The following FAT3 variants were observed in gnomAD, a reference collection of about 807,000 sequenced individuals.
FAT3 encodes FAT atypical cadherin 3.
A neutral mutation model predicts 310.2 loss-of-function variants in FAT3; 95 were observed. The ratio of observed to expected loss-of-function variants is 0.31; its 90% CI spans 0.26 to 0.36. FAT3 has a LOEUF of 0.36. Among genes scored for constraint, FAT3 ranks in the 10% least tolerant of loss-of-function variants. The probability of loss-of-function intolerance (pLI) is 1.00; values close to 1 mark genes in which losing one functional copy is unlikely to be tolerated. For synonymous variants in FAT3, 2,314 were observed against 2,192.9 expected, an observed-to-expected ratio of 1.06 and a Z score of -1.54; for missense variants, 5,408 against 5,715.6, an observed-to-expected ratio of 0.95 and a Z score of 1.74.
chr11:92,628,596 T>C (rs1419100768), intron 3 of FAT3, among the ~76,000 whole-genome samples: 1 of 152,254 alleles, frequency 6.6e-6, no homozygotes, highest in Non-Finnish European at 1.5e-5. Context: ...CTTAGTGAAA[T>C]GCTATATTTA....
At chr11:92,567,676 CACATAT>C (rs1955511698) in intron 3 of FAT3, among the ~76,000 whole-genome samples, 1 of 151,892 alleles carries the variant, frequency 6.6e-6, no homozygotes, top group South Asian at 2.1e-4. Context: ...GAAAATGTGG[CACATAT>C]ACACCATGGA....
At chr11:92,319,408 A>G (rs1040579775) in intron 1 of FAT3, among the ~76,000 whole-genome samples, 9 of 152,016 alleles carry the variant, frequency 5.9e-5, no homozygotes, top group Non-Finnish European at 1.3e-4. Context: ...AAAGTGGTAG[A>G]ATTCAAACAT....
intron 18 of FAT3, among the ~76,000 whole-genome samples, chr11:92,841,027 G>A (rs1286023488): frequency 2.0e-5 from 3 of 152,170 alleles, no homozygotes; most frequent in Admixed American, 6.5e-5. Context: ...GCTTAAATCT[G>A]CATTCTAAAA....
chr11:92,886,885 T>C lies in FAT3; in HGVS notation c.12938-115T>C, dbSNP rs1949808582. On this transcript the variant is annotated intron_variant, in intron 24 of 27. Transcript: ENST00000525166. Reference sequence around the variant, plus strand: ...TCTACTGTGGAGCTAAATTATTTTCTCTAAGCAAATGAAAGTGCCTCGAGA... The same window carrying C: ...TCTACTGTGGAGCTAAATTATTTTCCCTAAGCAAATGAAAGTGCCTCGAGA... 89 of 788,452 alleles carry C rather than the reference T, an allele frequency of 1.1e-4. 1 individual carries two copies. In the South Asian group the frequency reaches 1.4e-3, roughly 13 times the overall value. 48.8% of individuals were successfully genotyped at this position (788,452 alleles called of 1,614,324 possible).
chr11:92,280,323 AG>A (rs1422963405), intron 1 of FAT3, among the ~76,000 whole-genome samples: 2 of 152,012 alleles, frequency 1.3e-5, no homozygotes, highest in Non-Finnish European at 2.9e-5. Flanking sequence ...GCCTGGATGT[AG>A]GGGTTTGGAA....
intron 3 of FAT3, among the ~76,000 whole-genome samples, chr11:92,582,181 G>A (rs1938841437): frequency 6.6e-6 from 1 of 151,880 alleles, no homozygotes; most frequent in Non-Finnish European, 1.5e-5. Flanking sequence ...TCTTCGTCTT[G>A]GTGGGCTTTG....
intron 2 of FAT3, among the ~76,000 whole-genome samples, chr11:92,447,216 TGTGTGC>T (rs1409455514): frequency 5.6e-5 from 5 of 89,936 alleles, no homozygotes; most frequent in East Asian, 3.3e-4. Flanking sequence ...TGTATGTATA[TGTGTGC>T]GTGTGTGTGT....
intron 7 of FAT3, among the ~76,000 whole-genome samples, chr11:92,789,008 A>ATG (rs1436356741): frequency 6.6e-6 from 1 of 152,204 alleles, no homozygotes; most frequent in African/African-American, 2.4e-5. Context: ...GAATATATAT[A>ATG]TGTGTGTATA....
rs2136419536 is a variant in FAT3, at chr11:92,883,433, A to G, written c.12937+40A>G. ...GTAATGCTCACCCCTCGGTGCTTAC[A>G]GGGAACCTGCAGGGGCGCTGTGCGA... On this transcript the variant is annotated intron_variant, in intron 24 of 27. Transcript: ENST00000525166. The surrounding 1 kb of genome is among the most constrained non-coding windows in gnomAD (Gnocchi z 4.2). The G allele has an allele frequency of 6.4e-7, 1 of 1,562,982 alleles. No homozygotes were observed. The highest frequency in any genetic ancestry group is 8.7e-7 in the Non-Finnish European group (1 of 1,152,732).
intron 1 of FAT3, among the ~76,000 whole-genome samples, chr11:92,307,285 G>A (rs1464995463): frequency 6.7e-6 from 1 of 149,088 alleles, no homozygotes; most frequent in Non-Finnish European, 1.5e-5. Context: ...AAACAGCACA[G>A]AAGAAAACAA....
At chr11:92,790,519 G>A (rs1947013777) in intron 8 of FAT3, among the ~76,000 whole-genome samples, 2 of 152,182 alleles carry the variant, frequency 1.3e-5, no homozygotes, top group Non-Finnish European at 2.9e-5. Context: ...CCCAGGCTCT[G>A]GGGTTGGTTT....
chr11:92,410,626 T>A (rs1289213993), intron 2 of FAT3, among the ~76,000 whole-genome samples: 1 of 152,116 alleles, frequency 6.6e-6, no homozygotes, highest in East Asian at 1.9e-4. Context: ...TTGCTTTTTG[T>A]TTTTAGCTAA....
Position 92,369,251 on chromosome 11 carries a change from C to T in FAT3, c.3292+13847C>T, listed in dbSNP as rs552768948. Among the ~76,000 whole-genome samples the T allele has an allele frequency of 7.2e-5, 11 of 152,254 alleles. No homozygotes were observed. The East Asian group carries it at 2.1e-3, about 29-fold the overall frequency. On this transcript the variant is annotated intron_variant, in intron 2 of 27. Coordinates refer to ENST00000525166, the MANE Select transcript of FAT3 (RefSeq NM_001367949.2). ...TTGGAAGTGTTGGCTTTAATAGCTT[C>T]ATGTTAAATCTGCATCTGCCCAGCA...
chr11:92,518,745 A>C (rs760677168), intron 2 of FAT3, among the ~76,000 whole-genome samples: 6 of 152,162 alleles, frequency 3.9e-5, no homozygotes, highest in Non-Finnish European at 5.9e-5. Flanking sequence ...ATCAACAGTA[A>C]CTTATATACT....
At chr11:92,346,500 G>C (rs1162877387) in intron 1 of FAT3, among the ~76,000 whole-genome samples, 2 of 152,148 alleles carry the variant, frequency 1.3e-5, no homozygotes, top group Non-Finnish European at 2.9e-5. Context: ...TGAAAGGGTA[G>C]CTTTCATATT....
chr11:92,613,548 G>A (rs370012651), intron 3 of FAT3, among the ~76,000 whole-genome samples: 4 of 152,092 alleles, frequency 2.6e-5, no homozygotes, highest in African/African-American at 9.7e-5. Context: ...GAGCATATAT[G>A]TATGCATATT....
intron 1 of FAT3, among the ~76,000 whole-genome samples, chr11:92,246,117 G>A (rs868437916): frequency 1.1e-4 from 16 of 152,206 alleles, no homozygotes; most frequent in Middle Eastern, 3.4e-3. Context: ...AGGGACCTCT[G>A]CCAGATGGCA....
In FAT3 at chr11:92,883,039, C is replaced by A. The variant is rs1565676965; in HGVS notation, c.12583C>A (p.Pro4195Thr). 2 of 1,613,896 alleles carry A rather than the reference C, an allele frequency of 1.2e-6. No homozygotes were observed. Among genetic ancestry groups the A allele is most frequent in the African/African-American group, 1.3e-5 (1 of 75,070 alleles). Reference protein sequence around the residue: ...SRNNITLVQDPATAALLNKSN... With the variant: ...SRNNITLVQDTATAALLNKSN... Reference sequence around the variant, plus strand: ...CAACAACATCACGCTAGTGCAGGACCCGGCCACCGCCGCCCTGCTTAACAA... The same window carrying A: ...CAACAACATCACGCTAGTGCAGGACACGGCCACCGCCGCCCTGCTTAACAA... The change falls in exon 24 of 28, where the codon CCG becomes ACG. Residue 4195 changes from proline (P) to threonine (T), a missense_variant. By Grantham distance (38) the Pro-to-Thr change is conservative. Around this residue, in one of 5 missense-constraint regions of FAT3, gnomAD observed 649 missense variants for 666.2 expected, o/e 0.97. Coordinates refer to ENST00000525166, the MANE Select transcript of FAT3 (RefSeq NM_001367949.2). This position sits in a 1 kb window ranked among gnomAD's most constrained non-coding sequence, Gnocchi z 4.2.
At chr11:92,348,774 A>G (rs967538378) in intron 1 of FAT3, among the ~76,000 whole-genome samples, 6 of 152,200 alleles carry the variant, frequency 3.9e-5, no homozygotes, top group Non-Finnish European at 8.8e-5. Context: ...ATTGGAACAG[A>G]TGATCTTTAA....
Sources: allele counts gnomAD v4.1 joint callset (sites outside exome capture counted in the v4.1 genomes callset), GRCh38; gene constraint gnomAD v4.1.1; regional missense constraint gnomAD v4.1.1; non-coding constraint Gnocchi (gnomAD v3.1); transcripts MANE v1.5; gene names NCBI Gene and HGNC (gene_info 2026-07-23, HGNC 2026-07-21).